Variants in ALPK1 observed in about 807,000 individuals in gnomAD.
ALPK1 encodes the protein alpha-protein kinase 1.
ALPK1 carries 110 observed loss-of-function variants against 120.6 expected under a neutral mutation model. That is an observed-to-expected ratio of 0.91 (90% CI 0.78 to 1.07). ALPK1 has a LOEUF of 1.07. ALPK1 is among the 50% of genes least tolerant of loss of function. The pLI is 0.00. For synonymous variants in ALPK1, 582 were observed against 560.3 expected, an observed-to-expected ratio of 1.04 and a Z score of -0.55; for missense variants, 1,498 against 1,483.9, an observed-to-expected ratio of 1.01 and a Z score of -0.16.
chr4:112,386,785 T>C (rs896256247), intron 4 of ALPK1, among the ~76,000 whole-genome samples: 2 of 152,218 alleles, frequency 1.3e-5, no homozygotes, highest in African/African-American at 4.8e-5. Flanking sequence ...TTCCATTTAA[T>C]TGTATATCGC....
At position 112,382,665 on chromosome 4, in the gene ALPK1, T is replaced by C. The variant is rs1731979660; in HGVS notation, c.276+113T>C. The C allele has an allele frequency of 2.8e-6, 4 of 1,404,138 alleles. No homozygotes were observed. In the South Asian group the frequency reaches 4.8e-5, roughly 17 times the overall value. 87.0% of individuals were successfully genotyped at this position (1,404,138 alleles called of 1,614,324 possible). A position where few individuals can be genotyped will look rare whatever the true frequency, so the allele number is the denominator to read the frequency against. On this transcript the variant is annotated intron_variant, in intron 4 of 15. Coordinates refer to ENST00000650871, the MANE Select transcript of ALPK1 (RefSeq NM_025144.4). ...AGCACAAGACAGCCCCCTACCCTTATGCTCAGCTCTGCCAGATTGACTAAT... is the reference window on the plus strand; with the variant it reads ...AGCACAAGACAGCCCCCTACCCTTACGCTCAGCTCTGCCAGATTGACTAAT...
chr4:112,358,840 C>A, intron 2 of ALPK1: 1 of 797,632 alleles, frequency 1.3e-6, no homozygotes, highest in Non-Finnish European at 2.3e-6. Context: ...TTCACCCAGG[C>A]CCTGCAGGAC....
intron 2 of ALPK1, among the ~76,000 whole-genome samples, chr4:112,349,560 C>CCA (rs1553939343): frequency 1.4e-5 from 2 of 146,508 alleles, no homozygotes; most frequent in African/African-American, 5.1e-5. Context: ...TGCCCCCCCC[C>CCA]GCTTTATTTT....
intron 1 of ALPK1, among the ~76,000 whole-genome samples, chr4:112,304,683 T>G (rs1271788629): frequency 3.3e-5 from 5 of 152,132 alleles, no homozygotes; most frequent in African/African-American, 9.7e-5. Flanking sequence ...GCAAAAATTT[T>G]CTCCCATTCT....
chr4:112,331,605 C>T (rs921995619), intron 2 of ALPK1, among the ~76,000 whole-genome samples: 2 of 152,180 alleles, frequency 1.3e-5, no homozygotes, highest in African/African-American at 4.8e-5. Context: ...AATGCTGTAT[C>T]AGTTTACATA....
intron 2 of ALPK1, among the ~76,000 whole-genome samples, chr4:112,355,779 G>A (rs1730576854): frequency 6.6e-6 from 1 of 152,236 alleles, no homozygotes. Context: ...GTTTCCTCCT[G>A]GAGCACAAAG....
chr4:112,385,508 G>A (rs1010854353), intron 4 of ALPK1, among the ~76,000 whole-genome samples: 3 of 152,106 alleles, frequency 2.0e-5, no homozygotes, highest in Non-Finnish European at 4.4e-5. Context: ...AGCTTGCCCA[G>A]CAAGCTATAA....
chr4:112,439,070 C>G (rs1456871954), intron 13 of ALPK1, among the ~76,000 whole-genome samples: 2 of 152,172 alleles, frequency 1.3e-5, no homozygotes, highest in South Asian at 4.1e-4. Flanking sequence ...CACTAACATA[C>G]CCCTTTCAAT....
At chr4:112,416,022 T>A (rs985568501) in intron 5 of ALPK1, among the ~76,000 whole-genome samples, 3 of 152,242 alleles carry the variant, frequency 2.0e-5, no homozygotes, top group East Asian at 1.9e-4. Context: ...AAATGCTCAC[T>A]CTCAGTGTTT....
intron 2 of ALPK1, among the ~76,000 whole-genome samples, chr4:112,336,195 T>A (rs1160472402): frequency 6.6e-6 from 1 of 152,204 alleles, no homozygotes; most frequent in Non-Finnish European, 1.5e-5. Flanking sequence ...GTGTAGGTTT[T>A]CACTTGCTCT....
chr4:112,348,483 C>G (rs1730191859), intron 2 of ALPK1, among the ~76,000 whole-genome samples: 1 of 152,222 alleles, frequency 6.6e-6, no homozygotes, highest in South Asian at 2.1e-4. Context: ...TAAGATCAGG[C>G]AGGACTAGTA....
chr4:112,379,237 G>A (rs1432594073), intron 3 of ALPK1, among the ~76,000 whole-genome samples: 3 of 152,078 alleles, frequency 2.0e-5, no homozygotes, highest in African/African-American at 2.4e-5. Context: ...TTTTCTTCAC[G>A]AGTGCCACAG....
At chr4:112,332,515 C>G (rs895485622) in intron 2 of ALPK1, among the ~76,000 whole-genome samples, 5 of 152,312 alleles carry the variant, frequency 3.3e-5, no homozygotes, top group Non-Finnish European at 5.9e-5. Flanking sequence ...GATTCATTGA[C>G]TGGTTGCCAT....
At chr4:112,302,720 A>G (rs1269214990) in intron 1 of ALPK1, among the ~76,000 whole-genome samples, 1 of 140,626 alleles carries the variant, frequency 7.1e-6, no homozygotes, top group East Asian at 2.1e-4. Flanking sequence ...AAGTGTGAGT[A>G]TCCTGAAAAA....
intron 5 of ALPK1, among the ~76,000 whole-genome samples, chr4:112,420,122 A>G (rs1374507407): frequency 1.3e-5 from 2 of 152,252 alleles, no homozygotes; most frequent in African/African-American, 4.8e-5. Flanking sequence ...GGTACATGGG[A>G]CAGGGCAGTG....
rs1480021893 is a variant in ALPK1 at position 112,439,749 on chromosome 4, G to T, written c.3415G>T (p.Val1139Leu). 2 of 1,613,618 alleles carry T rather than the reference G, an allele frequency of 1.2e-6. No homozygotes were observed. The highest frequency in any genetic ancestry group is 4.5e-5 in the East Asian group (2 of 44,846). ...GGAGCCTTACATACTGGGAGAATTT[G>T]TAAAATTGTCAAATAACACGAAAGT... ...SVEPYILGEFVKLSNNTKVVK... is the reference protein window; with the variant it reads ...SVEPYILGEFLKLSNNTKVVK... The change falls in exon 14 of 16, where the codon GTA becomes TTA. Residue 1139 changes from valine to leucine, a missense_variant. By Grantham distance (32) the Val-to-Leu change is conservative (BLOSUM62 1). Coordinates refer to ENST00000650871, the MANE Select transcript of ALPK1 (RefSeq NM_025144.4).
intron 4 of ALPK1, among the ~76,000 whole-genome samples, chr4:112,405,644 C>T (rs950761332): frequency 6.6e-6 from 1 of 152,078 alleles, no homozygotes; most frequent in Non-Finnish European, 1.5e-5. Context: ...GGTGCAATCT[C>T]GGCTCACTGC....
chr4:112,299,384 T>G (rs1380074189), intron 1 of ALPK1, among the ~76,000 whole-genome samples: 1 of 152,152 alleles, frequency 6.6e-6, no homozygotes, highest in Non-Finnish European at 1.5e-5. Context: ...TTTTGAGTTA[T>G]TTGCTAGCTT....
chr4:112,366,978 A>G (rs981483531), intron 2 of ALPK1, among the ~76,000 whole-genome samples: 2 of 152,248 alleles, frequency 1.3e-5, no homozygotes, highest in South Asian at 4.1e-4. Context: ...GTTCTCACTC[A>G]TAAGTGGATG....
Sources: gnomAD v4.1 joint callset for allele counts (sites outside exome capture counted in the v4.1 genomes callset) on GRCh38, gnomAD v4.1.1 for gene constraint, MANE v1.5 for transcripts, NCBI Gene and HGNC (gene_info 2026-07-23, HGNC 2026-07-21) for gene names.